The following IGLL1 variants were observed in gnomAD, a reference collection of about 807,000 sequenced individuals.
IGLL1 encodes immunoglobulin lambda like polypeptide 1.
In IGLL1, 10 loss-of-function variants were observed where a neutral mutation model predicts 10.5. The observed-to-expected ratio is 0.95, with a 90% CI of 0.59 to 1.62. IGLL1 has a LOEUF of 1.62. Ranked by LOEUF, IGLL1 falls within the 40% of genes most tolerant of loss-of-function variation. The pLI is 0.00. For synonymous variants in IGLL1, 141 were observed against 122.7 expected, an observed-to-expected ratio of 1.15 and a Z score of -0.99; for missense variants, 284 against 278.7, an observed-to-expected ratio of 1.02 and a Z score of -0.14.
chr22:23,577,827 C>T (rs936575816), intron 1 of IGLL1, among the ~76,000 whole-genome samples: 4 of 151,890 alleles, frequency 2.6e-5, no homozygotes, highest in Non-Finnish European at 5.9e-5. Context: ...GCCACTGCAC[C>T]TGGCCCATAG....
rs756564055 is a variant in IGLL1, at chr22:23,573,404, C to T, written c.504G>A (p.Gln168=). 2.5e-6 allele frequency: 4 copies of T among 1,614,048 alleles called. No individual in the cohort carries two copies. Among genetic ancestry groups the T allele is most frequent in the East Asian group, 2.2e-5 (1 of 44,854 alleles). The part of the protein sequence containing the change: ...QGVEMTTPSK[Q]SNNKYAASSY... ...TGCTGGCCGCGTACTTGTTGTTGCT[C>T]TGTTTGGAGGGCGTGGTCATCTCCA... Residue 168 remains glutamine, a synonymous_variant, in exon 3 of 3, where the codon CAG becomes CAA. Transcript: ENST00000330377.
Position 23,580,142 on chromosome 22 carries a change from C to T in IGLL1, c.49G>A (p.Gly17Ser). 6.4e-7 allele frequency: 1 copy of T among 1,556,974 alleles called. No individual in the cohort carries two copies. The highest frequency in any genetic ancestry group is 2.4e-5 in the East Asian group (1 of 42,462). Residue 17 changes from glycine to serine, a missense_variant, in exon 1 of 3, where the codon GGC (glycine) becomes AGC (serine). By Grantham distance (56) the Gly-to-Ser change is moderately conservative. Coordinates refer to ENST00000330377, the MANE Select transcript of IGLL1 (RefSeq NM_020070.4). The part of the protein sequence containing the change: ...QGGLEAPGEP[G>S]PNLRQRWPLL... The stretch of plus-strand genomic sequence containing the variant: ...GGCCAGCGCTGCCTGAGGTTGGGGC[C>T]TGGCTCACCAGGGGCCTCAAGGCCC...
At chr22:23,574,401 C>G (rs879400251) in intron 2 of IGLL1, among the ~76,000 whole-genome samples, 1 of 152,206 alleles carries the variant, frequency 6.6e-6, no homozygotes, top group Non-Finnish European at 1.5e-5. Context: ...TTTCTGGTGA[C>G]TGTCCTGGGA....
In IGLL1 at chr22:23,579,975, C is replaced by T. The variant is rs1270392993; in HGVS notation, c.206+10G>A. 1.9e-6 allele frequency: 3 copies of T among 1,570,156 alleles called. No individual in the cohort carries two copies. The highest frequency in any genetic ancestry group is 1.8e-5 in the Admixed American group (1 of 55,340). The stretch of plus-strand genomic sequence containing the variant: ...GACCCCCACATCCCCTGGAATCTCT[C>T]ACCCCTTACCTGCCCCACCGGCTCC... On this transcript the variant is annotated intron_variant, in intron 1 of 2. Transcript: ENST00000330377.
rs537809626 is a variant in IGLL1 at position 23,573,540 on chromosome 22, G to C, written c.368C>G (p.Ser123Cys). 107 of 1,613,884 alleles carry C rather than the reference G, an allele frequency of 6.6e-5. No homozygotes were observed. Among genetic ancestry groups the C allele is most frequent in the Middle Eastern group, 1.7e-4 (1 of 6,050 alleles). The change falls in exon 3 of 3, where the codon TCT becomes TGT. Residue 123 changes from serine (S) to cysteine (C), a missense_variant. Coordinates refer to ENST00000330377, the MANE Select transcript of IGLL1 (RefSeq NM_020070.4). ...TPSVTLFPPS[S>C]EELQANKATL... is the part of the protein sequence containing the mutation. ...AGCCTTGTTGGCTTGGAGCTCCTCA[G>C]AGGACGGCGGGAACAGAGTGACCGA... is the stretch of plus-strand genomic sequence containing the variant.
rs747257300 is a variant in IGLL1 at position 23,573,605 on chromosome 22, G to A, written c.323-20C>T. ...GCTGACCTGTGTGGACAGAGGAGGGGGTGAGAGATGGCAGAGGGAGTGTGG... is the reference window on the plus strand; with the variant it reads ...GCTGACCTGTGTGGACAGAGGAGGGAGTGAGAGATGGCAGAGGGAGTGTGG... On this transcript the variant is annotated intron_variant, in intron 2 of 2. Transcript: ENST00000330377. The A allele has an allele frequency of 3.9e-5, 61 of 1,571,960 alleles. 1 individual carries two copies. In the South Asian group the frequency reaches 6.5e-4, roughly 17 times the overall value.
chr22:23,579,232 G>A (rs998998566), intron 1 of IGLL1, among the ~76,000 whole-genome samples: 1 of 151,950 alleles, frequency 6.6e-6, no homozygotes. Context: ...ATCGCCTGTG[G>A]GTATAACATG....
chr22:23,575,055 A>T lies in IGLL1; in HGVS notation c.234T>A (p.Thr78=). The T allele has an allele frequency of 1.9e-6, 3 of 1,614,034 alleles. No individual in the cohort carries two copies. Among genetic ancestry groups the T allele is most frequent in the Non-Finnish European group, 2.5e-6 (3 of 1,179,894 alleles). The part of the protein sequence containing the change: ...GRFLLQRGSW[T]GPRCWPRGFQ... Reference sequence around the variant, plus strand: ...ACCCCCGGGGCCAGCACCTGGGGCCAGTCCAGGAGCCGCGCTGGAGCAGGA... The same window carrying T: ...ACCCCCGGGGCCAGCACCTGGGGCCTGTCCAGGAGCCGCGCTGGAGCAGGA... Residue 78 remains threonine (T), a synonymous_variant, in exon 2 of 3, where the codon ACT becomes ACA. Coordinates refer to ENST00000330377, the MANE Select transcript of IGLL1 (RefSeq NM_020070.4).
At chr22:23,575,583 TGTCC>T (rs1569070653) in intron 1 of IGLL1, among the ~76,000 whole-genome samples, 2 of 152,200 alleles carry the variant, frequency 1.3e-5, no homozygotes, top group Non-Finnish European at 2.9e-5. Flanking sequence ...TCTGTCCATC[TGTCC>T]ATCTATGCAT....
At chr22:23,576,249 T>C (rs1279190261) in intron 1 of IGLL1, among the ~76,000 whole-genome samples, 1 of 150,322 alleles carries the variant, frequency 6.7e-6, no homozygotes, top group African/African-American at 2.5e-5. Context: ...CACACTGAAA[T>C]GGCTTCTGCG....
At position 23,580,094 on chromosome 22, in the gene IGLL1, C is replaced by G. The variant is rs116760479; in HGVS notation, c.97G>C (p.Val33Leu). 1.9e-6 allele frequency: 3 copies of G among 1,571,106 alleles called. No homozygotes were observed. In the African/African-American group the frequency reaches 4.0e-5, roughly 21 times the overall value. Residue 33 changes from valine to leucine, a missense_variant, in exon 1 of 3, where the codon GTG becomes CTG. Coordinates refer to ENST00000330377, the MANE Select transcript of IGLL1 (RefSeq NM_020070.4). ...GGGCGCAGCAGGCCATGGGTTACCA[C>G]GGCCAGACCCAGCAGCAGCAGGGGC... ...RWPLLLLGLA[V>L]VTHGLLRPTA...
Position 23,573,545 on chromosome 22 carries a change from C to A in IGLL1, c.363G>T (p.Pro121=). The change falls in exon 3 of 3, where the codon CCG becomes CCT. Residue 121 remains proline, a synonymous_variant. Transcript: ENST00000330377. ...KATPSVTLFP[P]SSEELQANKA... ...TGTTGGCTTGGAGCTCCTCAGAGGA[C>A]GGCGGGAACAGAGTGACCGAGGGGG... 6.2e-7 allele frequency: 1 copy of A among 1,613,742 alleles called. No individual in the cohort carries two copies. The highest frequency in any genetic ancestry group is 8.5e-7 in the Non-Finnish European group (1 of 1,179,830).
chr22:23,575,319 T>C (rs1277864581), intron 1 of IGLL1, among the ~76,000 whole-genome samples: 1 of 152,140 alleles, frequency 6.6e-6, no homozygotes, highest in South Asian at 2.1e-4. Flanking sequence ...CAGGCAGCTG[T>C]GCCGTGTGGC....
chr22:23,574,003 C>G (rs1163262812), intron 2 of IGLL1, among the ~76,000 whole-genome samples: 1 of 151,590 alleles, frequency 6.6e-6, no homozygotes, highest in Admixed American at 6.5e-5. Context: ...CCTGGGGCAC[C>G]AGGCTGTGCC....
At chr22:23,578,004 C>G (rs1380382649) in intron 1 of IGLL1, among the ~76,000 whole-genome samples, 2 of 152,028 alleles carry the variant, frequency 1.3e-5, no homozygotes, top group South Asian at 4.2e-4. Context: ...CCTGCCTCCC[C>G]TCCCGAGTAG....
At position 23,580,262 on chromosome 22, in the gene IGLL1, C is replaced by A; in HGVS notation, c.-72G>T. On this transcript the variant is annotated 5_prime_UTR_variant, in exon 1 of 3. Coordinates refer to ENST00000330377, the MANE Select transcript of IGLL1 (RefSeq NM_020070.4). Reference sequence around the variant, plus strand: ...CTCCCTAGAGAGTGGTGCCCTGGTCCCTCTCGCTGGCAGCAGCTGTCCCAT... The same window carrying A: ...CTCCCTAGAGAGTGGTGCCCTGGTCACTCTCGCTGGCAGCAGCTGTCCCAT... 1 of 1,530,130 alleles carries A rather than the reference C, an allele frequency of 6.5e-7. No individual in the cohort carries two copies. Among genetic ancestry groups the A allele is most frequent in the African/African-American group, 1.4e-5 (1 of 72,998 alleles). The allele number at this position is 1,530,130 out of a possible 1,614,324, so 94.8% of individuals were successfully genotyped here. A position where few individuals can be genotyped will look rare whatever the true frequency, so the allele number is the denominator to read the frequency against.
At chr22:23,575,737 C>G (rs552737402) in intron 1 of IGLL1, among the ~76,000 whole-genome samples, 2 of 152,332 alleles carry the variant, frequency 1.3e-5, no homozygotes, top group Non-Finnish European at 2.9e-5. Flanking sequence ...CCCAGGCTCT[C>G]ACCCCCATCT....
chr22:23,573,277 C>T lies in IGLL1; in HGVS notation c.631G>A (p.Glu211Lys). ...STVEKTVAPA[E>K]CS ...TCGGGGCTGGGAACCTATGAACATT[C>T]TGCAGGGGCCACCGTCTTCTCCACG... The change falls in exon 3 of 3, where the codon GAA becomes AAA. Residue 211 changes from glutamate (E) to lysine (K), a missense_variant. Transcript: ENST00000330377. The T allele has an allele frequency of 6.2e-7, 1 of 1,614,066 alleles. No homozygotes were observed. The highest frequency in any genetic ancestry group is 8.5e-7 in the Non-Finnish European group (1 of 1,179,998).
intron 1 of IGLL1, among the ~76,000 whole-genome samples, chr22:23,577,125 G>GCC (rs1486983622): frequency 8.5e-5 from 13 of 152,248 alleles, no homozygotes; most frequent in Non-Finnish European, 1.8e-4. Context: ...ATTAAAAATA[G>GCC]TACAGGCTAG....
Sources: gnomAD v4.1 joint callset for allele counts (sites outside exome capture counted in the v4.1 genomes callset) on GRCh38, gnomAD v4.1.1 for gene constraint, MANE v1.5 for transcripts, NCBI Gene and HGNC (gene_info 2026-07-23, HGNC 2026-07-21) for gene names.